PDE4D: variants seen among roughly 807,000 people sequenced by gnomAD.
PDE4D encodes 3',5'-cyclic-AMP phosphodiesterase 4D.
A neutral mutation model predicts 87.4 loss-of-function variants in PDE4D; 24 were observed. The ratio of observed to expected loss-of-function variants is 0.27; its 90% CI spans 0.20 to 0.39. The LOEUF (loss-of-function observed/expected upper bound fraction) is 0.39. Ranked by LOEUF, PDE4D falls within the 10% of genes least tolerant of loss-of-function variation. The probability of loss-of-function intolerance (pLI) is 1.00; values close to 1 mark genes in which losing one functional copy is unlikely to be tolerated. For missense variants in PDE4D, 714 were observed against 1,041.0 expected (o/e 0.69, Z 4.32); for synonymous variants, 384 against 383.2 (o/e 1.00, Z -0.02).
At chr5:60,449,802 G>A (rs961651203) in intron 1 of PDE4D, among the ~76,000 whole-genome samples, 2 of 151,102 alleles carry the variant, frequency 1.3e-5, no homozygotes, top group African/African-American at 4.9e-5. Context: ...CCCAGTGACG[G>A]GATGGCTGCG....
At chr5:60,482,859 C>A (rs920779029) in intron 1 of PDE4D, among the ~76,000 whole-genome samples, 1 of 152,104 alleles carries the variant, frequency 6.6e-6, no homozygotes, top group Non-Finnish European at 1.5e-5. Flanking sequence ...ATTACCATAT[C>A]TTCCATTAAA....
Position 59,813,249 on chromosome 5 carries a change from C to T in PDE4D, c.455+79919G>A, listed in dbSNP as rs187276948. Among the ~76,000 whole-genome samples, 788 of 152,294 alleles carry T rather than the reference C, an allele frequency of 5.2e-3. 3 individuals carry two copies. The highest frequency in any genetic ancestry group is 8.4e-3 in the Non-Finnish European group (573 of 68,022). ...GTCAAGTTTACATTGGCTCAAGCCT[C>T]TCCTACATGAATGCCACCAATAATT... On this transcript the variant is annotated intron_variant, in intron 1 of 14. Coordinates refer to ENST00000340635, the MANE Select transcript of PDE4D (RefSeq NM_001104631.2).
intron 7 of PDE4D, 61 bp downstream of exon 7, chr5:58,993,311 T>C (rs1748362919): frequency 3.0e-6 from 3 of 984,336 alleles, no homozygotes; most frequent in Non-Finnish European, 4.5e-6. Context: ...CCAATCCTCC[T>C]ACAAAAACAA....
chr5:60,293,009 TC>T (rs908051449), intron 1 of PDE4D, among the ~76,000 whole-genome samples: 2 of 148,164 alleles, frequency 1.3e-5, no homozygotes, highest in Non-Finnish European at 3.0e-5. Context: ...GAGTGTAAAT[TC>T]CCCCCTTTTT....
chr5:60,160,359 T>C (rs754570423), intron 2 of PDE4D, among the ~76,000 whole-genome samples: 1 of 152,180 alleles, frequency 6.6e-6, no homozygotes, highest in Non-Finnish European at 1.5e-5. Flanking sequence ...GGGTCAATTC[T>C]ATATTGAATT....
intron 1 of PDE4D, among the ~76,000 whole-genome samples, chr5:59,562,348 C>T (rs1313062435): frequency 6.6e-6 from 1 of 152,104 alleles, no homozygotes; most frequent in Non-Finnish European, 1.5e-5. Flanking sequence ...ATATATTATA[C>T]AAATAAGCTC....
At chr5:59,665,487 T>A (rs184243031) in intron 1 of PDE4D, among the ~76,000 whole-genome samples, 1 of 152,344 alleles carries the variant, frequency 6.6e-6, no homozygotes, top group Admixed American at 6.5e-5. Flanking sequence ...GGAAAAAGAC[T>A]ATAACTTCAT....
At position 60,044,711 on chromosome 5, in the gene PDE4D, C is replaced by T. The variant is rs537996154; in HGVS notation, c.43-55994G>A. Among the ~76,000 whole-genome samples, 32 of 152,098 alleles carry T rather than the reference C, an allele frequency of 2.1e-4. 1 individual carries two copies. Among genetic ancestry groups the T allele is most frequent in the Middle Eastern group, 6.8e-3 (2 of 294 alleles). Reference sequence around the variant, plus strand: ...ACATGAACTCATCATGTTTTATGGCCGCATAGTATTGCATGGTGTATATGT... The same window carrying T: ...ACATGAACTCATCATGTTTTATGGCTGCATAGTATTGCATGGTGTATATGT... On this transcript the variant is annotated intron_variant, in intron 2 of 16. Transcript: ENST00000502484.
chr5:59,046,414 GAGAGAA>G (rs1175500325), intron 5 of PDE4D, among the ~76,000 whole-genome samples: 3 of 147,482 alleles, frequency 2.0e-5, no homozygotes, highest in African/African-American at 7.6e-5. Flanking sequence ...GAGAGAGAGA[GAGAGAA>G]TGTGTGTGTG....
At chr5:58,983,301 G>A (rs1033426300) in intron 11 of PDE4D, among the ~76,000 whole-genome samples, 1 of 152,234 alleles carries the variant, frequency 6.6e-6, no homozygotes, top group Non-Finnish European at 1.5e-5. Flanking sequence ...GGAGAAAGAA[G>A]GCAGTGTAAT....
chr5:59,166,668 T>G (rs1003905167), intron 5 of PDE4D, among the ~76,000 whole-genome samples: 3 of 152,224 alleles, frequency 2.0e-5, no homozygotes, highest in African/African-American at 7.2e-5. Context: ...AAAAACTCTT[T>G]AAAATCCCTT....
intron 2 of PDE4D, among the ~76,000 whole-genome samples, chr5:60,158,681 G>T (rs1178886349): frequency 6.6e-6 from 1 of 152,196 alleles, no homozygotes; most frequent in African/African-American, 2.4e-5. Context: ...TCCTGCCTCA[G>T]CCTTCAGAGC....
intron 1 of PDE4D, among the ~76,000 whole-genome samples, chr5:59,506,948 T>C (rs1441272725): frequency 1.3e-5 from 2 of 152,162 alleles, no homozygotes; most frequent in East Asian, 1.9e-4. Flanking sequence ...ATCAGAAATA[T>C]ATATGCATTA....
intron 1 of PDE4D, among the ~76,000 whole-genome samples, chr5:59,463,552 G>C (rs1009581229): frequency 6.6e-6 from 1 of 152,120 alleles, no homozygotes; most frequent in African/African-American, 2.4e-5. Flanking sequence ...AAGCCAGGTG[G>C]CCAAGGTTTC....
rs553096255 is a variant in PDE4D at position 59,277,841 on chromosome 5, A to T, written c.456-61873T>A. Reference sequence around the variant, plus strand: ...TGTGCTGTTCCTTGCTTACTTGCCCAACATTCTACATCTTCCAAGAATCTT... The same window carrying T: ...TGTGCTGTTCCTTGCTTACTTGCCCTACATTCTACATCTTCCAAGAATCTT... On this transcript the variant is annotated intron_variant, in intron 1 of 14. Transcript: ENST00000340635. Among the ~76,000 whole-genome samples, 4 of 152,282 alleles carry T rather than the reference A, an allele frequency of 2.6e-5. No homozygotes were observed. The South Asian group carries it at 8.3e-4, about 32-fold the overall frequency.
chr5:60,144,263 C>A (rs1292516643), intron 2 of PDE4D, among the ~76,000 whole-genome samples: 1 of 152,238 alleles, frequency 6.6e-6, no homozygotes. Flanking sequence ...ATTCCCAGAT[C>A]TCTTCTCTTT....
At chr5:59,872,837 T>TC (rs1343865452) in intron 1 of PDE4D, among the ~76,000 whole-genome samples, 1 of 152,100 alleles carries the variant, frequency 6.6e-6, no homozygotes, top group Non-Finnish European at 1.5e-5. Context: ...GAAAAAAAAC[T>TC]CCTACTGACT....
intron 6 of PDE4D, among the ~76,000 whole-genome samples, chr5:59,019,870 GCTATCTATCTATCTATCTATCTATCTAT>G (rs70973175): frequency 7.3e-5 from 11 of 150,042 alleles, no homozygotes; most frequent in Admixed American, 2.0e-4. Flanking sequence ...TATATGTTTC[GCTATCTATCTATCTATCTATCTATCTAT>G]CTATCTATCT....
intron 1 of PDE4D, among the ~76,000 whole-genome samples, chr5:60,477,138 A>G (rs530869825): frequency 1.5e-4 from 23 of 152,322 alleles, no homozygotes; most frequent in Admixed American, 8.5e-4. Context: ...AGGAGAGAGG[A>G]AATCAAACAG....
Sources: gnomAD v4.1 joint callset for allele counts (sites outside exome capture counted in the v4.1 genomes callset) on GRCh38, gnomAD v4.1.1 for gene constraint, MANE v1.5 for transcripts, NCBI Gene and HGNC (gene_info 2026-07-23, HGNC 2026-07-21) for gene names.